SLC1A2: variants seen among roughly 807,000 people sequenced by gnomAD.
SLC1A2 encodes excitatory amino acid transporter 2.
Under a neutral mutation model 48.8 loss-of-function variants are expected in SLC1A2, and 15 were observed. That is an observed-to-expected ratio of 0.31 (90% CI 0.21 to 0.47). The LOEUF is 0.47. Among genes scored for constraint, SLC1A2 ranks in the 20% least tolerant of loss-of-function variants. The pLI is 0.99. For synonymous variants in SLC1A2, 279 were observed against 272.6 expected, an observed-to-expected ratio of 1.02 and a Z score of -0.23; for missense variants, 502 against 730.5, an observed-to-expected ratio of 0.69 and a Z score of 3.61.
rs1369463993 is a variant in SLC1A2, at chr11:35,370,978, G to A, written c.17+47972C>T. The stretch of plus-strand genomic sequence containing the variant: ...GATAAATCATTCCATTTCTGCCAGG[G>A]TACAGACAGTCCCAAAGGGTGGCAT... On this transcript the variant is annotated intron_variant, in intron 1 of 10. Transcript: ENST00000278379. 8.1e-6 allele frequency: 8 copies of A among 985,132 alleles called. No individual in the cohort carries two copies. The East Asian group carries it at 9.1e-4, about 112-fold the overall frequency. 61.0% of individuals were successfully genotyped at this position (985,132 alleles called of 1,614,324 possible).
intron 1 of SLC1A2, among the ~76,000 whole-genome samples, chr11:35,356,281 G>A (rs1275029609): frequency 6.6e-6 from 1 of 152,192 alleles, no homozygotes; most frequent in Non-Finnish European, 1.5e-5. Context: ...ATCCCTAATT[G>A]ATTTTGAACA....
At chr11:35,413,423 G>T (rs1210145840) in intron 1 of SLC1A2, among the ~76,000 whole-genome samples, 1 of 152,184 alleles carries the variant, frequency 6.6e-6, no homozygotes, top group Non-Finnish European at 1.5e-5. Flanking sequence ...CACTCCTGCT[G>T]CATCATATTG....
chr11:35,387,857 A>G (rs1854633706), intron 1 of SLC1A2, among the ~76,000 whole-genome samples: 1 of 152,238 alleles, frequency 6.6e-6, no homozygotes, highest in African/African-American at 2.4e-5. Flanking sequence ...TCTAGACTCA[A>G]TTAGCTATGT....
At chr11:35,338,789 C>A (rs114903358) in intron 1 of SLC1A2, among the ~76,000 whole-genome samples, 3,886 of 152,222 alleles carry the variant, frequency 0.026, 154 homozygotes, top group African/African-American at 0.088. Context: ...GTAGGCTTCC[C>A]TCACTTGCAA....
rs1455913529 is a variant in SLC1A2 at position 35,256,357 on chromosome 11, A to G, written c.*4537T>C. The stretch of plus-strand genomic sequence containing the variant: ...GCTGGCTGTTAGCAAAGCAGCAACA[A>G]TAAGTGGAATGATAGGAAAGGAAGA... On this transcript the variant is annotated 3_prime_UTR_variant, in exon 11 of 11. Transcript: ENST00000278379. 4 of 152,340 alleles carry G rather than the reference A, an allele frequency of 2.6e-5. No individual in the cohort carries two copies. The highest frequency in any genetic ancestry group is 9.6e-5 in the African/African-American group (4 of 41,470). 9.4% of individuals were successfully genotyped at this position (152,340 alleles called of 1,614,324 possible). A position where few individuals can be genotyped will look rare whatever the true frequency, so the allele number is the denominator to read the frequency against.
At chr11:35,264,648 C>T (rs1259597939) in intron 10 of SLC1A2, among the ~76,000 whole-genome samples, 1 of 152,206 alleles carries the variant, frequency 6.6e-6, no homozygotes, top group South Asian at 2.1e-4. Context: ...CACAGCCAGG[C>T]ATTGTCTGAG....
chr11:35,306,369 A>C (rs1851506906), intron 4 of SLC1A2, 127 bp from the exon 5 acceptor site: 1 of 636,934 alleles, frequency 1.6e-6, no homozygotes, highest in Admixed American at 3.1e-5. Flanking sequence ...ATGCCAAAAC[A>C]AGGTTATGAA....
chr11:35,253,107 A>G lies in SLC1A2; in HGVS notation c.*7787T>C, dbSNP rs1196919536. 6.6e-6 allele frequency: 1 copy of G among 152,176 alleles called. No individual in the cohort carries two copies. Among genetic ancestry groups the G allele is most frequent in the African/African-American group, 2.4e-5 (1 of 41,448 alleles). The allele number at this position is 152,176 out of a possible 1,614,324, so 9.4% of individuals were successfully genotyped here. Reference sequence around the variant, plus strand: ...AAGACACCTCGTCTCTGCAGTGGCTATCGTTTTACCTTTCGGGGAAGTTAT... The same window carrying G: ...AAGACACCTCGTCTCTGCAGTGGCTGTCGTTTTACCTTTCGGGGAAGTTAT... On this transcript the variant is annotated 3_prime_UTR_variant, in exon 11 of 11. Coordinates refer to ENST00000278379, the MANE Select transcript of SLC1A2 (RefSeq NM_004171.4).
chr11:35,344,561 C>T (rs547437467), intron 1 of SLC1A2, among the ~76,000 whole-genome samples: 2 of 152,276 alleles, frequency 1.3e-5, no homozygotes, highest in South Asian at 4.1e-4. Flanking sequence ...CAATTTCAGA[C>T]CCCGGAAGAC....
chr11:35,320,431 C>G (rs1852018559), intron 1 of SLC1A2, among the ~76,000 whole-genome samples: 1 of 152,160 alleles, frequency 6.6e-6, no homozygotes, highest in Non-Finnish European at 1.5e-5. Context: ...TATGGGAAAT[C>G]ATAAGAACAA....
intron 1 of SLC1A2, among the ~76,000 whole-genome samples, chr11:35,332,199 T>C (rs1852452558): frequency 6.6e-6 from 1 of 152,222 alleles, no homozygotes; most frequent in Non-Finnish European, 1.5e-5. Context: ...ATGACTTGAA[T>C]TTTTATGCAC....
At chr11:35,290,827 C>T (rs776554724) in intron 7 of SLC1A2, among the ~76,000 whole-genome samples, 4 of 151,518 alleles carry the variant, frequency 2.6e-5, no homozygotes, top group Non-Finnish European at 4.4e-5. Context: ...CCTTCATCTT[C>T]GGAAACTGGG....
At chr11:35,408,383 A>T (rs1049373983) in intron 1 of SLC1A2, among the ~76,000 whole-genome samples, 3 of 152,132 alleles carry the variant, frequency 2.0e-5, no homozygotes, top group South Asian at 2.1e-4. Flanking sequence ...ACCCAGAGGG[A>T]GGTAATTGAA....
chr11:35,379,208 A>ATGAG (rs1399870507), intron 1 of SLC1A2, among the ~76,000 whole-genome samples: 1 of 152,186 alleles, frequency 6.6e-6, no homozygotes, highest in African/African-American at 2.4e-5. Context: ...TAGCCTGGGC[A>ATGAG]ACAAGAGCAA....
chr11:35,293,991 G>T (rs1321677), intron 6 of SLC1A2, among the ~76,000 whole-genome samples: 78,579 of 151,946 alleles, frequency 0.52, 22,403 homozygotes, highest in East Asian at 0.73. Context: ...TTTTGAGCAT[G>T]CATATATGTG....
chr11:35,399,557 C>A (rs142080302), intron 1 of SLC1A2: 54 of 968,636 alleles, frequency 5.6e-5, no homozygotes, highest in East Asian at 1.1e-4. Flanking sequence ...AAGATAGTTA[C>A]GAACATGAGA....
intron 8 of SLC1A2, among the ~76,000 whole-genome samples, chr11:35,284,478 G>C (rs1303415833): frequency 6.6e-6 from 1 of 152,042 alleles, no homozygotes; most frequent in Non-Finnish European, 1.5e-5. Flanking sequence ...GAACCACTGG[G>C]AGACATTTCA....
At chr11:35,405,967 G>A (rs1457746794) in intron 1 of SLC1A2, among the ~76,000 whole-genome samples, 3 of 152,160 alleles carry the variant, frequency 2.0e-5, no homozygotes, top group Non-Finnish European at 4.4e-5. Flanking sequence ...TCTCTTTTGC[G>A]AGGTAGACAA....
At chr11:35,335,030 C>A (rs1373408704) in intron 1 of SLC1A2, among the ~76,000 whole-genome samples, 1 of 152,124 alleles carries the variant, frequency 6.6e-6, no homozygotes, top group Non-Finnish European at 1.5e-5. Context: ...CCAAACCCAA[C>A]CCCTTTTCAT....
Sources: allele counts gnomAD v4.1 joint callset (sites outside exome capture counted in the v4.1 genomes callset), GRCh38; gene constraint gnomAD v4.1.1; transcripts MANE v1.5; gene names NCBI Gene and HGNC (gene_info 2026-07-23, HGNC 2026-07-21).